PSMF1: variants seen among roughly 807,000 people sequenced by gnomAD.
PSMF1 encodes proteasome inhibitor subunit 1.
In PSMF1, 30 loss-of-function variants were observed where a neutral mutation model predicts 29.3. The ratio of observed to expected loss-of-function variants is 1.02; its 90% confidence interval spans 0.77 to 1.39. The LOEUF is 1.39. Ranked by LOEUF, PSMF1 falls within the 40% of genes most tolerant of loss-of-function variation. PSMF1 has a pLI of 0.00. For missense variants in PSMF1, 344 were observed against 357.5 expected (o/e 0.96, Z 0.31); for synonymous variants, 134 against 139.7 (o/e 0.96, Z 0.29).
At position 1,151,352 on chromosome 20, in the gene PSMF1, T is replaced by G. The variant is rs537906616; in HGVS notation, c.552-11778T>G. Among the ~76,000 whole-genome samples the G allele has an allele frequency of 9.8e-5, 15 of 152,364 alleles. No homozygotes were observed. In the East Asian group the frequency reaches 2.9e-3, roughly 29 times the overall value. ...TCACAACAGTAAGAAGCAAAAGTTG[T>G]GTTATAATAGTAAATTATTGAATTC... On this transcript the variant is annotated intron_variant, in intron 4 of 6. Coordinates refer to ENST00000335877, the MANE Select transcript of PSMF1 (RefSeq NM_006814.5).
At chr20:1,134,742 C>G (rs910650220) in intron 3 of PSMF1, 15 of 324,946 alleles carry the variant, frequency 4.6e-5, no homozygotes, top group African/African-American at 1.3e-4. Flanking sequence ...CCCCATGGAG[C>G]CTTTGCCTTC....
At chr20:1,158,657 A>G (rs1359545791) in intron 4 of PSMF1, among the ~76,000 whole-genome samples, 1 of 152,244 alleles carries the variant, frequency 6.6e-6, no homozygotes. Context: ...CTGCTTTTGC[A>G]GTAGCGACAT....
chr20:1,154,611 C>G (rs1437408826), intron 4 of PSMF1, among the ~76,000 whole-genome samples: 1 of 152,168 alleles, frequency 6.6e-6, no homozygotes, highest in East Asian at 1.9e-4. Context: ...CAGTCTACCC[C>G]CAAATCAGCA....
intron 1 of PSMF1, 134 bp from the exon 2 acceptor site, chr20:1,125,364 G>A: frequency 1.0e-6 from 1 of 966,928 alleles, no homozygotes; most frequent in Non-Finnish European, 1.5e-6. Flanking sequence ...AGGATCTTGG[G>A]CAAGTCATTT....
chr20:1,170,184 A>C lies in PSMF1; in HGVS notation c.*5104A>C, dbSNP rs903427177. Among the ~76,000 whole-genome samples, 2 of 152,208 alleles carry C rather than the reference A, an allele frequency of 1.3e-5. No homozygotes were observed. The highest frequency in any genetic ancestry group is 4.8e-5 in the African/African-American group (2 of 41,452). On this transcript the variant is annotated 3_prime_UTR_variant, in exon 7 of 7. Coordinates refer to ENST00000335877, the MANE Select transcript of PSMF1 (RefSeq NM_006814.5). ...CCTGGGAACCTGTTACACATGCAGA[A>C]TCTCAAGCCCCACCCCAGACATTGA...
Position 1,164,689 on chromosome 20 carries a change from C to T in PSMF1, c.764+213C>T, listed in dbSNP as rs941640268. Among the ~76,000 whole-genome samples the T allele has an allele frequency of 6.6e-6, 1 of 152,114 alleles. No homozygotes were observed. The highest frequency in any genetic ancestry group is 1.5e-5 in the Non-Finnish European group (1 of 68,034). On this transcript the variant is annotated intron_variant, in intron 6 of 6. Coordinates refer to ENST00000335877, the MANE Select transcript of PSMF1 (RefSeq NM_006814.5). This position sits in a 1 kb window ranked among gnomAD's most constrained non-coding sequence, Gnocchi z 4.1. ...CCTCAGTGCCTCTCTTTCCCCAGCT[C>T]CACTCTGGGGAGGACTCAAAGTAGG... is the stretch of plus-strand genomic sequence containing the variant.
rs1186534055 is a variant in PSMF1 at position 1,168,310 on chromosome 20, GT to G, written c.*3233del. On this transcript the variant is annotated 3_prime_UTR_variant, in exon 7 of 7. Transcript: ENST00000335877. ...TAATGAGATTCAGATCATCACTTTG[GT>G]TTGGTTTGAAATTTCTTTGTTTATC... is the stretch of plus-strand genomic sequence containing the variant. The G allele has an allele frequency of 6.6e-6, 1 of 152,202 alleles. No homozygotes were observed. The highest frequency in any genetic ancestry group is 2.4e-5 in the African/African-American group (1 of 41,442). The allele number at this position is 152,202 out of a possible 1,614,324, so 9.4% of individuals were successfully genotyped here. A position where few individuals can be genotyped will look rare whatever the true frequency, so the allele number is the denominator to read the frequency against.
chr20:1,164,951 T>A lies in PSMF1; in HGVS notation c.765-78T>A. 8.0e-7 allele frequency: 1 copy of A among 1,249,386 alleles called. No homozygotes were observed. Among genetic ancestry groups the A allele is most frequent in the Non-Finnish European group, 1.2e-6 (1 of 852,218 alleles). The allele number at this position is 1,249,386 out of a possible 1,614,324, so 77.4% of individuals were successfully genotyped here. ...ACATCATGTTGAAGGGCAGGCTCCC[T>A]CAGTGCAGGGTCATGTCTGCCCATG... On this transcript the variant is annotated intron_variant, in intron 6 of 6. Coordinates refer to ENST00000335877, the MANE Select transcript of PSMF1 (RefSeq NM_006814.5). The surrounding 1 kb of genome is among the most constrained non-coding windows in gnomAD (Gnocchi z 4.1).
At chr20:1,146,602 G>A (rs1002751362) in intron 4 of PSMF1, among the ~76,000 whole-genome samples, 6 of 152,064 alleles carry the variant, frequency 3.9e-5, no homozygotes, top group Non-Finnish European at 5.9e-5. Flanking sequence ...CCTCCATATC[G>A]CTCTGAAGGA....
intron 4 of PSMF1, among the ~76,000 whole-genome samples, chr20:1,157,529 A>G (rs777982966): frequency 5.3e-5 from 8 of 152,282 alleles, no homozygotes; most frequent in Admixed American, 6.5e-5. Flanking sequence ...ATACAAAGTC[A>G]GTAAACCTTA....
intron 4 of PSMF1, among the ~76,000 whole-genome samples, chr20:1,158,111 C>T (rs888613371): frequency 1.3e-5 from 2 of 152,094 alleles, no homozygotes; most frequent in Non-Finnish European, 2.9e-5. Flanking sequence ...CTGGTGGCAG[C>T]GTTCCTCCCT....
At chr20:1,126,828 G>C (rs1322635917) in intron 2 of PSMF1, among the ~76,000 whole-genome samples, 2 of 152,194 alleles carry the variant, frequency 1.3e-5, no homozygotes, top group African/African-American at 4.8e-5. Flanking sequence ...GCTGTGAGCT[G>C]AGATCGTGCC....
intron 3 of PSMF1, 94 bp downstream of exon 3, chr20:1,127,602 A>C: frequency 1.9e-6 from 2 of 1,043,232 alleles, no homozygotes; most frequent in Non-Finnish European, 2.9e-6. Flanking sequence ...AAAATTAAGG[A>C]AGGTGAATGG....
At position 1,135,198 on chromosome 20, in the gene PSMF1, A is replaced by T. The variant is rs759695134; in HGVS notation, c.443A>T (p.Lys148Met). 6.2e-7 allele frequency: 1 copy of T among 1,614,042 alleles called. No individual in the cohort carries two copies. Among genetic ancestry groups the T allele is most frequent in the African/African-American group, 1.3e-5 (1 of 75,006 alleles). Reference sequence around the variant, plus strand: ...ACACCTATCCATGAGCAGTGGGAAAAGGCTAATGTAAGCAGTCCCCACCGG... The same window carrying T: ...ACACCTATCCATGAGCAGTGGGAAATGGCTAATGTAAGCAGTCCCCACCGG... ...IITPIHEQWEKANVSSPHREF... is the reference protein window; with the variant it reads ...IITPIHEQWEMANVSSPHREF... The change falls in exon 4 of 7, where the codon AAG becomes ATG. Residue 148 changes from lysine (K) to methionine (M), a missense_variant. Physicochemically the swap from Lys to Met is moderately conservative, Grantham distance 95. Transcript: ENST00000335877.
At chr20:1,161,015 C>T (rs534117959) in intron 4 of PSMF1, 145 of 386,282 alleles carry the variant, frequency 3.8e-4, no homozygotes, top group Non-Finnish European at 6.9e-4. Flanking sequence ...TGCCTCTGGG[C>T]GCACCACTGG....
chr20:1,147,677 ATCACC>A (rs1354536588), intron 4 of PSMF1, among the ~76,000 whole-genome samples: 5 of 152,040 alleles, frequency 3.3e-5, no homozygotes, highest in Non-Finnish European at 7.4e-5. Context: ...CCCCTCTGTA[ATCACC>A]TCACCTGCCT....
intron 1 of PSMF1, among the ~76,000 whole-genome samples, chr20:1,119,456 T>C (rs534913848): frequency 1.3e-5 from 2 of 152,270 alleles, no homozygotes; most frequent in Admixed American, 6.5e-5. Context: ...TTTCACCCTT[T>C]ACTGAAGGGC....
Position 1,163,647 on chromosome 20 carries a change from A to G in PSMF1, c.605+464A>G, listed in dbSNP as rs902259695. On this transcript the variant is annotated intron_variant, in intron 5 of 6. Coordinates refer to ENST00000335877, the MANE Select transcript of PSMF1 (RefSeq NM_006814.5). The surrounding 1 kb of genome is among the most constrained non-coding windows in gnomAD (Gnocchi z 6.1). ...TTCCAAATAGATTTTAACCTCTGCT[A>G]CAAAGTGACCCCGACTTCAGCATCT... Among the ~76,000 whole-genome samples the G allele has an allele frequency of 3.9e-5, 6 of 152,258 alleles. No individual in the cohort carries two copies. The highest frequency in any genetic ancestry group is 7.3e-5 in the Non-Finnish European group (5 of 68,038).
chr20:1,156,499 C>T (rs1419938314), intron 4 of PSMF1, among the ~76,000 whole-genome samples: 3 of 152,004 alleles, frequency 2.0e-5, no homozygotes, highest in African/African-American at 2.4e-5. Flanking sequence ...AAAGAAGTCT[C>T]GAAAGCAGTT....
Sources: gnomAD v4.1 joint callset for allele counts (sites outside exome capture counted in the v4.1 genomes callset) on GRCh38, gnomAD v4.1.1 for gene constraint, Gnocchi (gnomAD v3.1) non-coding constraint, MANE v1.5 for transcripts, NCBI Gene and HGNC (gene_info 2026-07-23, HGNC 2026-07-21) for gene names.